VRK2: variants seen among roughly 807,000 people sequenced by gnomAD.
VRK2 encodes serine/threonine-protein kinase VRK2.
In VRK2, 60 loss-of-function variants were observed where a neutral mutation model predicts 57.6. The ratio of observed to expected loss-of-function variants is 1.04; its 90% CI spans 0.85 to 1.29. VRK2 has a LOEUF of 1.29. Among genes scored for constraint, VRK2 ranks in the 50% most tolerant of loss-of-function variants. VRK2 has a pLI of 0.00. For missense variants in VRK2, 705 were observed against 588.1 expected (o/e 1.20, Z -2.06); for synonymous variants, 231 against 199.2 (o/e 1.16, Z -1.35).
chr2:58,044,259 CA>C (rs1333374275), upstream of VRK2, among the ~76,000 whole-genome samples: 1 of 152,156 alleles, frequency 6.6e-6, no homozygotes, highest in African/African-American at 2.4e-5. Flanking sequence ...CCATTTTAAC[CA>C]TCACATCAGA....
chr2:58,134,168 C>T (rs926966747), intron 9 of VRK2, among the ~76,000 whole-genome samples: 14 of 152,088 alleles, frequency 9.2e-5, no homozygotes, highest in Non-Finnish European at 1.0e-4. Flanking sequence ...ACCAGAATTC[C>T]TCTTCCCCAA....
At chr2:57,933,872 C>G (rs1429035160) in intron 1 of VRK2, among the ~76,000 whole-genome samples, 1 of 152,012 alleles carries the variant, frequency 6.6e-6, no homozygotes, top group East Asian at 1.9e-4. Context: ...TCCTTGGATT[C>G]TCTTTGTCTT....
chr2:57,965,379 G>A (rs1267288604), intron 1 of VRK2, among the ~76,000 whole-genome samples: 2 of 152,214 alleles, frequency 1.3e-5, no homozygotes, highest in Admixed American at 6.5e-5. Flanking sequence ...GAAGGCAGTA[G>A]AAGTGTAGAA....
Position 58,120,184 on chromosome 2 carries a change from C to CTTTCTTTTTTTTTTTTTTTTT in VRK2, c.544-2914_544-2913insCTTTTTTTTTTTTTTTTTTTT, listed in dbSNP as rs1677215194. Among the ~76,000 whole-genome samples, 9 of 51,986 alleles carry CTTTCTTTTTTTTTTTTTTTTT rather than the reference C, an allele frequency of 1.7e-4. 1 individual carries two copies. The highest frequency in any genetic ancestry group is 9.3e-4 in the African/African-American group (9 of 9,628). 34.1% of individuals were successfully genotyped at this position (51,986 alleles called of 152,430 possible). A position where few individuals can be genotyped will look rare whatever the true frequency, so the allele number is the denominator to read the frequency against. On this transcript the variant is annotated intron_variant, in intron 7 of 12. Coordinates refer to ENST00000340157, the MANE Select transcript of VRK2 (RefSeq NM_006296.7). ...CTTTTTGTCTATTTTTTTTTCTTTT[C>CTTTCTTTTTTTTTTTTTTTTT]TTTTTTTTTTTTTTTTTTTTTTTTG...
intron 2 of VRK2, among the ~76,000 whole-genome samples, chr2:58,070,359 T>C (rs1267873797): frequency 7.9e-5 from 12 of 152,120 alleles, no homozygotes; most frequent in Non-Finnish European, 1.5e-5. Context: ...TTTTATGTTA[T>C]ATAGTTTTAT....
chr2:57,981,241 A>G lies in VRK2; in HGVS notation c.-438-44424A>G, dbSNP rs182861581. ...ATAAGGCAGCTCTCCCATGGTAATG[A>G]ATTCCTTAGTATTTGCTGGTCTGAA... On this transcript the variant is annotated intron_variant, in intron 1 of 15. Coordinates refer to the VRK2 transcript ENST00000417641. Among the ~76,000 whole-genome samples, 44 of 152,266 alleles carry G rather than the reference A, an allele frequency of 2.9e-4. 1 individual carries two copies. In the East Asian group the frequency reaches 5.4e-3, roughly 19 times the overall value.
chr2:57,942,115 G>A (rs949706636), intron 1 of VRK2, among the ~76,000 whole-genome samples: 26 of 152,250 alleles, frequency 1.7e-4, no homozygotes, highest in Middle Eastern at 3.4e-3. Context: ...CACACTGTAC[G>A]AAACAACAGT....
chr2:58,127,975 C>T (rs1025713450), intron 8 of VRK2, among the ~76,000 whole-genome samples: 4 of 152,124 alleles, frequency 2.6e-5, no homozygotes, highest in Admixed American at 2.6e-4. Flanking sequence ...TCCAGTTTGT[C>T]TTTAAACCAA....
At chr2:58,119,570 A>G (rs1040013880) in intron 7 of VRK2, among the ~76,000 whole-genome samples, 2 of 151,450 alleles carry the variant, frequency 1.3e-5, no homozygotes, top group Non-Finnish European at 2.9e-5. Context: ...ATTTGTCAAC[A>G]TTTTGATTAC....
At chr2:57,938,427 T>A (rs1670986476) in intron 1 of VRK2, among the ~76,000 whole-genome samples, 1 of 152,106 alleles carries the variant, frequency 6.6e-6, no homozygotes. Flanking sequence ...TTATACAAAG[T>A]GGAATATAGT....
intron 7 of VRK2, among the ~76,000 whole-genome samples, chr2:58,121,712 GCAGATTGTAT>G (rs1677535358): frequency 1.3e-5 from 2 of 152,142 alleles, no homozygotes; most frequent in South Asian, 4.1e-4. Flanking sequence ...ATTTTAAAGT[GCAGATTGTAT>G]GGTAAATACT....
At position 58,159,478 on chromosome 2, in the gene VRK2, A is replaced by C. The variant is rs1325171728; in HGVS notation, c.1312A>C (p.Ser438Arg). The part of the protein sequence containing the change: ...SFYEPHQDFT[S>R]PDIFKKSRSP... ...TTATGAGCCTCATCAAGATTTTACC[A>C]GTCCAGATATATTCAAGAAGTCAAG... Residue 438 changes from serine to arginine, a missense_variant, in exon 13 of 13, where the codon AGT becomes CGT. By Grantham distance (110) the Ser-to-Arg change is moderately radical. Transcript: ENST00000340157. 1 of 1,613,734 alleles carries C rather than the reference A, an allele frequency of 6.2e-7. No individual in the cohort carries two copies. The highest frequency in any genetic ancestry group is 1.1e-5 in the South Asian group (1 of 91,058).
intron 10 of VRK2, among the ~76,000 whole-genome samples, chr2:58,137,738 A>G (rs1680748423): frequency 6.6e-6 from 1 of 152,194 alleles, no homozygotes; most frequent in Non-Finnish European, 1.5e-5. Flanking sequence ...ATCTCTTGAT[A>G]GTAATGATAC....
intron 4 of VRK2, among the ~76,000 whole-genome samples, chr2:58,085,739 C>A (rs1157500091): frequency 1.3e-5 from 2 of 151,624 alleles, no homozygotes; most frequent in African/African-American, 4.8e-5. Context: ...CAAATAGAAT[C>A]CATTAAACTT....
At chr2:57,967,141 G>A (rs190682324) in intron 1 of VRK2, among the ~76,000 whole-genome samples, 10 of 151,928 alleles carry the variant, frequency 6.6e-5, no homozygotes, top group African/African-American at 1.9e-4. Context: ...ACCAAACACC[G>A]CATGTTCTCA....
chr2:58,088,523 G>T, intron 6 of VRK2, 77 bp downstream of exon 6: 1 of 1,118,616 alleles, frequency 8.9e-7, no homozygotes, highest in Non-Finnish European at 1.4e-6. Flanking sequence ...TCCCTTTGTG[G>T]AATTATTAGA....
intron 1 of VRK2, among the ~76,000 whole-genome samples, chr2:57,922,449 C>G (rs1670379991): frequency 8.5e-6 from 1 of 118,256 alleles, no homozygotes; most frequent in Non-Finnish European, 1.7e-5. Context: ...CACATAGTTA[C>G]CTTCTTGTGT....
At chr2:58,046,990 C>T in intron 1 of VRK2, 122 bp downstream of exon 1, 2 of 984,986 alleles carry the variant, frequency 2.0e-6, no homozygotes, top group Non-Finnish European at 2.4e-6. Context: ...CCGGGCCGTC[C>T]CAGCCCCCGG....
At chr2:58,028,565 G>A (rs567263095) in intron 2 of VRK2, among the ~76,000 whole-genome samples, 1 of 152,060 alleles carries the variant, frequency 6.6e-6, no homozygotes, top group East Asian at 1.9e-4. Flanking sequence ...CATAAAAAAT[G>A]ATGAGTTCAT....
Sources: allele counts gnomAD v4.1 joint callset (sites outside exome capture counted in the v4.1 genomes callset), GRCh38; gene constraint gnomAD v4.1.1; transcripts MANE v1.5; gene names NCBI Gene and HGNC (gene_info 2026-07-23, HGNC 2026-07-21).